The following CDRT4 variants were observed in gnomAD, a reference collection of about 807,000 sequenced individuals.
CDRT4 encodes CMT1A duplicated region transcript 4.
For synonymous variants in CDRT4, 64 were observed against 69.6 expected, an observed-to-expected ratio of 0.92 and a Z score of 0.40; for missense variants, 167 against 193.1, an observed-to-expected ratio of 0.87 and a Z score of 0.80.
Position 15,437,868 on chromosome 17 carries a change from G to GT in CDRT4, c.363dup (p.His122ThrfsTer10). ...GTTGGACAGTCTCTGGAATCCGCAT[G>GT]TAAGTGTGTGGGTTCTGGGATCATG... On this transcript the variant is annotated frameshift_variant, in exon 4 of 4. Transcript: ENST00000619038. LOFTEE classifies it low-confidence loss of function (END_TRUNC). The GT allele has an allele frequency of 6.2e-7, 1 of 1,614,208 alleles. No individual in the cohort carries two copies. Among genetic ancestry groups the GT allele is most frequent in the Non-Finnish European group, 8.5e-7 (1 of 1,180,040 alleles).
intron 1 of CDRT4, among the ~76,000 whole-genome samples, chr17:15,455,083 A>C (rs1206281410): frequency 6.6e-6 from 1 of 152,198 alleles, no homozygotes; most frequent in Non-Finnish European, 1.5e-5. Context: ...TCTAGAGAGA[A>C]CAAAAGTGTC....
chr17:15,440,520 G>C (rs1978711024), intron 2 of CDRT4, among the ~76,000 whole-genome samples: 1 of 152,120 alleles, frequency 6.6e-6, no homozygotes. Context: ...ATAGTCTCTG[G>C]GTGTTCTGCT....
At chr17:15,460,203 T>C (rs574223837) in intron 1 of CDRT4, among the ~76,000 whole-genome samples, 1 of 152,282 alleles carries the variant, frequency 6.6e-6, no homozygotes, top group East Asian at 1.9e-4. Context: ...ATTCAAAACC[T>C]GCTTCCCCAC....
chr17:15,461,235 T>C (rs1017266625), intron 1 of CDRT4, among the ~76,000 whole-genome samples: 3 of 152,230 alleles, frequency 2.0e-5, no homozygotes, highest in Admixed American at 2.0e-4. Context: ...TTTTCTGTCA[T>C]GTATATCCCA....
intron 2 of CDRT4, among the ~76,000 whole-genome samples, chr17:15,440,496 T>G (rs1370681389): frequency 6.6e-6 from 1 of 152,118 alleles, no homozygotes; most frequent in Non-Finnish European, 1.5e-5. Context: ...GCTCAAGAGC[T>G]GTAGACTGTC....
intron 2 of CDRT4, among the ~76,000 whole-genome samples, chr17:15,451,237 T>C (rs981123890): frequency 1.3e-5 from 2 of 152,188 alleles, no homozygotes; most frequent in Non-Finnish European, 2.9e-5. Context: ...CCTGCTGCCA[T>C]GTAAGACGTG....
chr17:15,458,869 T>C (rs964257327), intron 1 of CDRT4, among the ~76,000 whole-genome samples: 7 of 152,088 alleles, frequency 4.6e-5, no homozygotes, highest in Admixed American at 4.6e-4. Context: ...GAAATGCAAT[T>C]CATTGGATCC....
intron 2 of CDRT4, chr17:15,452,768 C>T (rs550845528): frequency 6.6e-6 from 1 of 152,396 alleles, no homozygotes; most frequent in Non-Finnish European, 1.5e-5. Flanking sequence ...TAGACAGGCC[C>T]TCCTCTCTGC....
At position 15,437,562 on chromosome 17, in the gene CDRT4, A is replaced by G; in HGVS notation, c.*211T>C. ...GCCAGGGACTGCCCAAACCCACCAG[A>G]GAGCAGTGTGGGAGGGGACACACTC... On this transcript the variant is annotated 3_prime_UTR_variant, in exon 4 of 4. Coordinates refer to ENST00000619038, the MANE Select transcript of CDRT4 (RefSeq NM_001204477.2). 1 of 596,524 alleles carries G rather than the reference A, an allele frequency of 1.7e-6. No homozygotes were observed. The highest frequency in any genetic ancestry group is 3.0e-6 in the Non-Finnish European group (1 of 338,274). The allele number at this position is 596,524 out of a possible 1,614,324, so 37.0% of individuals were successfully genotyped here. A position where few individuals can be genotyped will look rare whatever the true frequency, so the allele number is the denominator to read the frequency against.
intron 2 of CDRT4, among the ~76,000 whole-genome samples, chr17:15,445,205 C>T (rs570764257): frequency 5.9e-5 from 9 of 152,252 alleles, no homozygotes; most frequent in African/African-American, 2.2e-4. Flanking sequence ...CTGTGTCCCA[C>T]AGAATGCAAG....
At chr17:15,463,078 G>A (rs556687058) in intron 1 of CDRT4, among the ~76,000 whole-genome samples, 1 of 152,060 alleles carries the variant, frequency 6.6e-6, no homozygotes, top group Non-Finnish European at 1.5e-5. Context: ...GAAGATTGTC[G>A]AGATGACTGC....
intron 2 of CDRT4, among the ~76,000 whole-genome samples, chr17:15,441,600 T>C (rs1040196818): frequency 6.6e-6 from 1 of 152,184 alleles, no homozygotes; most frequent in African/African-American, 2.4e-5. Context: ...CAAGGAACTA[T>C]TGTGGAATGG....
At chr17:15,459,689 G>A (rs185474149) in intron 1 of CDRT4, among the ~76,000 whole-genome samples, 2 of 151,906 alleles carry the variant, frequency 1.3e-5, no homozygotes, top group East Asian at 1.9e-4. Context: ...CTCGTGATCC[G>A]CCCGCCTCGG....
At chr17:15,445,694 C>G (rs1408305505) in intron 2 of CDRT4, among the ~76,000 whole-genome samples, 3 of 152,172 alleles carry the variant, frequency 2.0e-5, no homozygotes, top group Non-Finnish European at 4.4e-5. Context: ...CTGAAATCAG[C>G]TGCAGAGTCC....
chr17:15,443,356 C>T (rs1358892033), intron 2 of CDRT4, among the ~76,000 whole-genome samples: 2 of 151,362 alleles, frequency 1.3e-5, no homozygotes, highest in Admixed American at 6.6e-5. Context: ...CGTAGCTCAC[C>T]GCAGCCTTGA....
Position 15,437,560 on chromosome 17 carries a change from A to C in CDRT4, c.*213T>G. 1.7e-6 allele frequency: 1 copy of C among 595,584 alleles called. No homozygotes were observed. The highest frequency in any genetic ancestry group is 3.0e-6 in the Non-Finnish European group (1 of 337,500). The allele number at this position is 595,584 out of a possible 1,614,324, so 36.9% of individuals were successfully genotyped here. A position where few individuals can be genotyped will look rare whatever the true frequency, so the allele number is the denominator to read the frequency against. On this transcript the variant is annotated 3_prime_UTR_variant, in exon 4 of 4. Coordinates refer to ENST00000619038, the MANE Select transcript of CDRT4 (RefSeq NM_001204477.2). ...GAGCCAGGGACTGCCCAAACCCACC[A>C]GAGAGCAGTGTGGGAGGGGACACAC...
intron 3 of CDRT4, chr17:15,439,229 G>A: frequency 4.4e-6 from 2 of 452,736 alleles, no homozygotes; most frequent in South Asian, 1.6e-5. Context: ...TTGCAGGGAG[G>A]AGAGTTAAAA....
intron 2 of CDRT4, among the ~76,000 whole-genome samples, chr17:15,452,334 T>C (rs1979299412): frequency 6.6e-6 from 1 of 152,198 alleles, no homozygotes; most frequent in Non-Finnish European, 1.5e-5. Context: ...AGCATTGCAG[T>C]TGCCTGTTAA....
At chr17:15,444,280 ATTGATTTGG>A in intron 2 of CDRT4, 1 of 503,162 alleles carries the variant, frequency 2.0e-6, no homozygotes, top group Non-Finnish European at 3.5e-6. Flanking sequence ...TAAAAGACCT[ATTGATTTGG>A]AAAAAAAATG....
Sources: gnomAD v4.1 joint callset for allele counts (sites outside exome capture counted in the v4.1 genomes callset) on GRCh38, gnomAD v4.1.1 for gene constraint, MANE v1.5 for transcripts, NCBI Gene and HGNC (gene_info 2026-07-23, HGNC 2026-07-21) for gene names.